Variants in ERCC6L2 observed in about 807,000 individuals in gnomAD.
The protein encoded by ERCC6L2 is ERCC excision repair 6 like 2.
A neutral mutation model predicts 132.0 loss-of-function variants in ERCC6L2; 77 were observed. That is an observed-to-expected ratio of 0.58 (90% CI 0.49 to 0.71). The LOEUF (loss-of-function observed/expected upper bound fraction) is 0.71. Ranked by LOEUF, ERCC6L2 falls within the 30% of genes least tolerant of loss-of-function variation. The pLI is 0.00. For missense variants in ERCC6L2, 1,542 were observed against 1,837.6 expected (o/e 0.84, Z 2.94); for synonymous variants, 583 against 632.4 (o/e 0.92, Z 1.17).
chr9:95,949,041 A>C (rs1445170969), intron 12 of ERCC6L2, among the ~76,000 whole-genome samples: 3 of 152,058 alleles, frequency 2.0e-5, no homozygotes, highest in Non-Finnish European at 4.4e-5. Context: ...TAAAAAAAGA[A>C]AAAAAGAGAG....
At chr9:96,019,227 A>G (rs1834243082), downstream of ERCC6L2, among the ~76,000 whole-genome samples, 1 of 152,218 alleles carries the variant, frequency 6.6e-6, no homozygotes, top group African/African-American at 2.4e-5. Context: ...AAGCCTCATA[A>G]TAGCTAATTC....
At chr9:96,023,580 C>T (rs911432960) in intron 19 of ERCC6L2, among the ~76,000 whole-genome samples, 1 of 152,014 alleles carries the variant, frequency 6.6e-6, no homozygotes, top group East Asian at 1.9e-4. Context: ...TATATTAACA[C>T]CAAAAAAAAG....
chr9:95,953,315 G>A (rs991468352), intron 12 of ERCC6L2, among the ~76,000 whole-genome samples: 3 of 152,152 alleles, frequency 2.0e-5, no homozygotes, highest in Non-Finnish European at 2.9e-5. Flanking sequence ...GGTGGCTCAC[G>A]CCTGTAATCC....
downstream of ERCC6L2, among the ~76,000 whole-genome samples, chr9:96,023,048 C>G (rs1243140122): frequency 6.6e-6 from 1 of 152,128 alleles, no homozygotes; most frequent in Non-Finnish European, 1.5e-5. Flanking sequence ...GGTGGGATTT[C>G]CATCAATAAT....
At chr9:95,913,457 G>T (rs527897199) in intron 4 of ERCC6L2, among the ~76,000 whole-genome samples, 18 of 152,076 alleles carry the variant, frequency 1.2e-4, no homozygotes, top group Middle Eastern at 3.4e-3. Flanking sequence ...CCGCTTGCTT[G>T]CCCGCTTGCT....
chr9:96,030,405 G>A (rs1331644673), intron 19 of ERCC6L2, among the ~76,000 whole-genome samples: 2 of 152,028 alleles, frequency 1.3e-5, no homozygotes, highest in Non-Finnish European at 2.9e-5. Flanking sequence ...CTTTGGGTCC[G>A]TGCCATCTTT....
chr9:95,983,841 C>T (rs914592268), intron 17 of ERCC6L2, among the ~76,000 whole-genome samples: 1 of 152,184 alleles, frequency 6.6e-6, no homozygotes, highest in African/African-American at 2.4e-5. Context: ...CCTACAGGCC[C>T]CAGGGCTCAA....
At position 95,875,859 on chromosome 9, in the gene ERCC6L2, C is replaced by T. The variant is rs373338065; in HGVS notation, c.-180C>T. ...CCCGTTCTGCTTGGGTCCCCTTAGT[C>T]GCTACCTTTGCTGGGATCCCCCTCC... On this transcript the variant is annotated 5_prime_UTR_variant, in exon 1 of 19. Transcript: ENST00000653738. 38 of 631,572 alleles carry T rather than the reference C, an allele frequency of 6.0e-5. 1 individual carries two copies. The South Asian group carries it at 6.3e-4, about 10-fold the overall frequency. 39.1% of individuals were successfully genotyped at this position (631,572 alleles called of 1,614,324 possible).
At chr9:95,885,844 G>C (rs1827836188) in intron 2 of ERCC6L2, among the ~76,000 whole-genome samples, 1 of 151,990 alleles carries the variant, frequency 6.6e-6, no homozygotes, top group African/African-American at 2.4e-5. Context: ...GGAGAGGATG[G>C]CAATCTGTGT....
intron 12 of ERCC6L2, among the ~76,000 whole-genome samples, chr9:95,954,271 CT>C (rs960295916): frequency 3.9e-5 from 6 of 151,902 alleles, no homozygotes; most frequent in African/African-American, 4.8e-5. Context: ...AAATTTCCCC[CT>C]TTTTTTTGAT....
intron 18 of ERCC6L2, among the ~76,000 whole-genome samples, chr9:96,009,772 C>A (rs1006649570): frequency 6.6e-6 from 1 of 152,192 alleles, no homozygotes; most frequent in East Asian, 1.9e-4. Flanking sequence ...ATAATTATAG[C>A]TTATCCTGTA....
rs144318703 is a variant in ERCC6L2 at position 95,929,117 on chromosome 9, A to T, written c.1751+253A>T. ...AATAAAAAAATTGATACTTCCTCCTATGAATTTTCCATGGTAGTGTTTTGA... is the reference window on the plus strand; with the variant it reads ...AATAAAAAAATTGATACTTCCTCCTTTGAATTTTCCATGGTAGTGTTTTGA... On this transcript the variant is annotated intron_variant, in intron 11 of 18. Transcript: ENST00000653738. The T allele has an allele frequency of 9.9e-4, 264 of 266,168 alleles. 3 individuals are homozygous for T. The highest frequency in any genetic ancestry group is 5.4e-3 in the African/African-American group (237 of 43,998). The allele number at this position is 266,168 out of a possible 1,614,324, so 16.5% of individuals were successfully genotyped here.
chr9:95,908,824 T>C (rs1427848487), intron 4 of ERCC6L2, among the ~76,000 whole-genome samples: 2 of 152,204 alleles, frequency 1.3e-5, no homozygotes, highest in Non-Finnish European at 2.9e-5. Flanking sequence ...GTTAATGATA[T>C]TCCCCCAAAG....
At chr9:95,961,084 C>T (rs1290109472) in intron 13 of ERCC6L2, among the ~76,000 whole-genome samples, 1 of 152,104 alleles carries the variant, frequency 6.6e-6, no homozygotes, top group Non-Finnish European at 1.5e-5. Flanking sequence ...ATATGAAAAT[C>T]TTTAACCAAG....
In ERCC6L2 at chr9:95,972,284, A is replaced by G. The variant is rs924010627; in HGVS notation, c.2533A>G (p.Thr845Ala). 15 of 1,299,136 alleles carry G rather than the reference A, an allele frequency of 1.2e-5. No homozygotes were observed. Among genetic ancestry groups the G allele is most frequent in the Non-Finnish European group, 1.4e-5 (14 of 987,480 alleles). 80.5% of individuals were successfully genotyped at this position (1,299,136 alleles called of 1,614,324 possible). The change falls in exon 16 of 19, where the codon ACT (threonine) becomes GCT (alanine). Residue 845 changes from threonine (T) to alanine (A), a missense_variant. Transcript: ENST00000653738. ...TGAGAAAAATCAGGACTCTCTTGGT[A>G]CTTCAAAACATCAGAAATTAGATAA... The part of the protein sequence containing the change: ...GCEKNQDSLG[T>A]SKHQKLDNIL...
At chr9:96,032,311 A>T (rs1446789749) in intron 19 of ERCC6L2, among the ~76,000 whole-genome samples, 1 of 152,220 alleles carries the variant, frequency 6.6e-6, no homozygotes, top group Non-Finnish European at 1.5e-5. Flanking sequence ...AGCTGCCGCT[A>T]GGCCAGGCAG....
chr9:95,884,064 T>C (rs907490487), intron 2 of ERCC6L2, among the ~76,000 whole-genome samples: 1 of 152,212 alleles, frequency 6.6e-6, no homozygotes, highest in African/African-American at 2.4e-5. Context: ...TTAAAGGAGC[T>C]GATTTTACTG....
At chr9:95,943,022 C>T (rs1397412555) in intron 12 of ERCC6L2, among the ~76,000 whole-genome samples, 1 of 152,004 alleles carries the variant, frequency 6.6e-6, no homozygotes, top group East Asian at 1.9e-4. Flanking sequence ...TTATAGGATT[C>T]TAGAATGACA....
intron 13 of ERCC6L2, among the ~76,000 whole-genome samples, chr9:95,960,825 T>C (rs1342352464): frequency 6.6e-6 from 1 of 152,134 alleles, no homozygotes; most frequent in Non-Finnish European, 1.5e-5. Flanking sequence ...TTTGTAGAGA[T>C]AGAGTTTCAC....
Sources: gnomAD v4.1 joint callset for allele counts (sites outside exome capture counted in the v4.1 genomes callset) on GRCh38, gnomAD v4.1.1 for gene constraint, MANE v1.5 for transcripts, NCBI Gene and HGNC (gene_info 2026-07-23, HGNC 2026-07-21) for gene names.